The following FGF12 variants were observed in gnomAD, a reference collection of about 807,000 sequenced individuals.
FGF12 encodes fibroblast growth factor 12, also known as fibroblast growth factor 12B.
Under a neutral mutation model 23.6 loss-of-function variants are expected in FGF12, and 14 were observed. The observed-to-expected ratio is 0.59, with a 90% CI of 0.39 to 0.93. The LOEUF (loss-of-function observed/expected upper bound fraction) is 0.93. Ranked by LOEUF, FGF12 falls within the 40% of genes least tolerant of loss-of-function variation. FGF12 has a pLI of 0.00. For synonymous variants in FGF12, 62 were observed against 77.3 expected (o/e 0.80, Z 1.04); for missense variants, 175 against 217.8 (o/e 0.80, Z 1.24).
At chr3:192,295,984 C>T (rs1010103328) in intron 4 of FGF12, among the ~76,000 whole-genome samples, 6 of 151,258 alleles carry the variant, frequency 4.0e-5, no homozygotes, top group African/African-American at 9.7e-5. Flanking sequence ...CAGGCTCAAG[C>T]GATCCTCCCA....
intron 2 of FGF12, among the ~76,000 whole-genome samples, chr3:192,361,114 A>C (rs2108733229): frequency 7.0e-6 from 1 of 141,894 alleles, no homozygotes; most frequent in East Asian, 2.1e-4. Flanking sequence ...TTTCACCTTC[A>C]CTAAATACTT....
At chr3:192,395,977 G>T (rs932993883) in intron 2 of FGF12, among the ~76,000 whole-genome samples, 3 of 152,194 alleles carry the variant, frequency 2.0e-5, no homozygotes, top group Non-Finnish European at 4.4e-5. Context: ...GTTTGGGTCG[G>T]CTAGAGTAGT....
chr3:192,629,308 C>G (rs1043631475), intron 2 of FGF12, among the ~76,000 whole-genome samples: 2 of 152,168 alleles, frequency 1.3e-5, no homozygotes, highest in African/African-American at 4.8e-5. Context: ...AAAGTTTTTC[C>G]CTTGTCCTGC....
chr3:192,354,788 C>T (rs1033229237), intron 3 of FGF12, among the ~76,000 whole-genome samples: 5 of 152,222 alleles, frequency 3.3e-5, no homozygotes, highest in African/African-American at 1.2e-4. Flanking sequence ...TCACTGCAAC[C>T]TCCACCTCCC....
At chr3:192,170,871 A>ATAAC (rs1224636356) in intron 4 of FGF12, among the ~76,000 whole-genome samples, 3 of 152,188 alleles carry the variant, frequency 2.0e-5, no homozygotes, top group African/African-American at 7.2e-5. Flanking sequence ...CCCAGAGATA[A>ATAAC]TAACTTGCTC....
chr3:192,340,888 T>A (rs1717658816), intron 3 of FGF12, among the ~76,000 whole-genome samples: 1 of 152,146 alleles, frequency 6.6e-6, no homozygotes, highest in Non-Finnish European at 1.5e-5. Context: ...AAAGTCAACA[T>A]TGGCCTTAGC....
chr3:192,230,789 G>C (rs1332331012), intron 4 of FGF12, among the ~76,000 whole-genome samples: 1 of 151,908 alleles, frequency 6.6e-6, no homozygotes, highest in Non-Finnish European at 1.5e-5. Context: ...TAGGATTAGA[G>C]GACACCTTGA....
intron 2 of FGF12, among the ~76,000 whole-genome samples, chr3:192,689,648 A>C (rs1401840122): frequency 1.3e-5 from 2 of 152,010 alleles, no homozygotes; most frequent in Non-Finnish European, 2.9e-5. Flanking sequence ...AAAGGAATGA[A>C]AATTTTATGT....
At chr3:192,615,781 C>T (rs964725706) in intron 2 of FGF12, among the ~76,000 whole-genome samples, 2 of 151,744 alleles carry the variant, frequency 1.3e-5, no homozygotes, top group Admixed American at 6.6e-5. Flanking sequence ...CTTTGTTATG[C>T]AAGAATTAAA....
intron 2 of FGF12, among the ~76,000 whole-genome samples, chr3:192,449,146 C>T (rs1722447828): frequency 1.3e-5 from 2 of 152,196 alleles, no homozygotes; most frequent in Admixed American, 1.3e-4. Flanking sequence ...CAAATCCATC[C>T]TTCATTACCT....
At chr3:192,189,934 ACACT>A (rs1385070029) in intron 4 of FGF12, among the ~76,000 whole-genome samples, 1 of 152,090 alleles carries the variant, frequency 6.6e-6, no homozygotes, top group Non-Finnish European at 1.5e-5. Context: ...TTTGTGTTTG[ACACT>A]CAGGAGCAAG....
chr3:192,605,070 C>T (rs1422902547), intron 2 of FGF12, among the ~76,000 whole-genome samples: 7 of 152,042 alleles, frequency 4.6e-5, no homozygotes, highest in African/African-American at 1.7e-4. Flanking sequence ...CAGTGTAATA[C>T]CTCACACTAT....
chr3:192,246,749 C>A (rs1202119543), intron 4 of FGF12, among the ~76,000 whole-genome samples: 6 of 149,124 alleles, frequency 4.0e-5, no homozygotes, highest in African/African-American at 1.5e-4. Flanking sequence ...CGCTTGAACC[C>A]GGGAAGCAGA....
At chr3:192,603,692 G>A (rs1156390530) in intron 2 of FGF12, among the ~76,000 whole-genome samples, 1 of 152,134 alleles carries the variant, frequency 6.6e-6, no homozygotes, top group African/African-American at 2.4e-5. Context: ...TGAACAGGGA[G>A]TAGGTCACAA....
rs148624670 is a variant in FGF12, at chr3:192,340,515, G to T, written c.125-5051C>A. 4.9e-3 allele frequency among the ~76,000 whole-genome samples: 739 copies of T among 152,264 alleles called. 3 individuals carry two copies. Among genetic ancestry groups the T allele is most frequent in the African/African-American group, 0.017 (703 of 41,554 alleles). On this transcript the variant is annotated intron_variant, in intron 3 of 5. Transcript: ENST00000445105. ...CAATTATATGCCAAATAGAGTCCAA[G>T]TATTTAATCTGACATTCAAAGATCT...
At chr3:192,269,956 TC>T (rs1344538965) in intron 4 of FGF12, among the ~76,000 whole-genome samples, 1 of 152,128 alleles carries the variant, frequency 6.6e-6, no homozygotes, top group Non-Finnish European at 1.5e-5. Flanking sequence ...AAAACTGACA[TC>T]CATTCAGGTT....
chr3:192,322,042 G>T (rs1468497593), intron 4 of FGF12, among the ~76,000 whole-genome samples: 7 of 151,848 alleles, frequency 4.6e-5, no homozygotes, highest in Non-Finnish European at 1.0e-4. Flanking sequence ...TTTGTTTGCA[G>T]ATGATATGAT....
chr3:192,558,437 C>A (rs1171945888), intron 2 of FGF12, among the ~76,000 whole-genome samples: 3 of 151,692 alleles, frequency 2.0e-5, no homozygotes, highest in African/African-American at 7.3e-5. Context: ...AAAGAAGACA[C>A]AAATTAATGG....
At chr3:192,563,936 A>G (rs1712152407) in intron 2 of FGF12, among the ~76,000 whole-genome samples, 1 of 152,252 alleles carries the variant, frequency 6.6e-6, no homozygotes, top group African/African-American at 2.4e-5. Context: ...TGCTATTATC[A>G]ATGGATGATT....
Sources: allele counts gnomAD v4.1 joint callset (sites outside exome capture counted in the v4.1 genomes callset), GRCh38; gene constraint gnomAD v4.1.1; transcripts MANE v1.5; gene names NCBI Gene and HGNC (gene_info 2026-07-23, HGNC 2026-07-21).